The following BTBD9 variants were observed in gnomAD, a reference collection of about 807,000 sequenced individuals.
BTBD9 encodes BTB/POZ domain-containing protein 9.
BTBD9 carries 49 observed loss-of-function variants against 64.3 expected under a neutral mutation model. That is an observed-to-expected ratio of 0.76 (90% CI 0.61 to 0.97). BTBD9 has a LOEUF of 0.97. Ranked by LOEUF, BTBD9 falls within the 50% of genes least tolerant of loss-of-function variation. The pLI, the probability that BTBD9 is intolerant of heterozygous loss-of-function variation, is 0.00. For missense variants in BTBD9, 598 were observed against 762.1 expected (o/e 0.78, Z 2.53); for synonymous variants, 260 against 274.7 (o/e 0.95, Z 0.53).
chr6:38,313,658 T>C (rs866168646), intron 7 of BTBD9, among the ~76,000 whole-genome samples: 1 of 152,228 alleles, frequency 6.6e-6, no homozygotes, highest in Admixed American at 6.5e-5. Flanking sequence ...TCCTTTATTA[T>C]TGATATGATA....
chr6:38,383,931 T>C (rs1411208857), intron 6 of BTBD9, among the ~76,000 whole-genome samples: 1 of 152,054 alleles, frequency 6.6e-6, no homozygotes, highest in Non-Finnish European at 1.5e-5. Context: ...GATGACTGAG[T>C]GGGCTGTGGC....
At chr6:38,523,786 T>C (rs567220640) in intron 6 of BTBD9, among the ~76,000 whole-genome samples, 1 of 152,340 alleles carries the variant, frequency 6.6e-6, no homozygotes, top group South Asian at 2.1e-4. Context: ...CTAAGTCAGG[T>C]ACTGTTATTA....
chr6:38,485,874 C>G (rs1214256264), intron 6 of BTBD9, among the ~76,000 whole-genome samples: 5 of 152,170 alleles, frequency 3.3e-5, no homozygotes, highest in Non-Finnish European at 7.4e-5. Context: ...CTATTAAAGT[C>G]CTGGGTGGCA....
intron 6 of BTBD9, among the ~76,000 whole-genome samples, chr6:38,466,913 C>A (rs1450746533): frequency 1.3e-5 from 2 of 152,156 alleles, no homozygotes; most frequent in East Asian, 1.9e-4. Flanking sequence ...ATATCTGGAA[C>A]ATCACTCATG....
chr6:38,297,085 C>T lies in BTBD9; in HGVS notation c.1265-8624G>A, dbSNP rs151295574. ...GGGAGATGTTTGTTAAAATCTCCTG[C>T]GGTCAGGCGCGGTGGCTCACGCCTG... On this transcript the variant is annotated intron_variant, in intron 7 of 10. Coordinates refer to ENST00000481247, the MANE Select transcript of BTBD9 (RefSeq NM_001099272.2). 1.8e-3 allele frequency among the ~76,000 whole-genome samples: 271 copies of T among 152,196 alleles called. 1 individual carries two copies. Among genetic ancestry groups the T allele is most frequent in the African/African-American group, 6.2e-3 (257 of 41,524 alleles).
intron 6 of BTBD9, among the ~76,000 whole-genome samples, chr6:38,490,933 T>C (rs1329933682): frequency 6.6e-6 from 1 of 152,200 alleles, no homozygotes; most frequent in East Asian, 1.9e-4. Context: ...GTAATCTGAC[T>C]GTGACTTCCT....
At chr6:38,500,560 A>G (rs536384412) in intron 6 of BTBD9, among the ~76,000 whole-genome samples, 2 of 152,198 alleles carry the variant, frequency 1.3e-5, no homozygotes, top group East Asian at 3.9e-4. Context: ...CTTTTCTCTA[A>G]CTCAGTATTA....
intron 7 of BTBD9, among the ~76,000 whole-genome samples, chr6:38,318,842 C>T (rs1369431428): frequency 6.6e-6 from 1 of 152,202 alleles, no homozygotes; most frequent in Non-Finnish European, 1.5e-5. Context: ...GTCTTGTGTC[C>T]TTACCTTCAG....
At chr6:38,440,208 A>G (rs540782592) in intron 6 of BTBD9, among the ~76,000 whole-genome samples, 2 of 152,316 alleles carry the variant, frequency 1.3e-5, no homozygotes, top group South Asian at 2.1e-4. Flanking sequence ...ATGCTTATGT[A>G]TAGAAAAGAA....
chr6:38,588,481 T>C, intron 4 of BTBD9: 2 of 861,714 alleles, frequency 2.3e-6, no homozygotes, highest in Non-Finnish European at 1.8e-6. Context: ...TCCTTATATG[T>C]CCTCCCTTTG....
At chr6:38,490,095 T>C (rs1488667052) in intron 6 of BTBD9, among the ~76,000 whole-genome samples, 1 of 152,140 alleles carries the variant, frequency 6.6e-6, no homozygotes, top group Admixed American at 6.5e-5. Flanking sequence ...GTCCCCCAAA[T>C]CTGCACAGCC....
rs1314065165 is a variant in BTBD9, at chr6:38,170,977, C to T, written c.*4008G>A. On this transcript the variant is annotated 3_prime_UTR_variant, in exon 11 of 11. Transcript: ENST00000481247. ...ACAAGCAAGCACTAATGAGGAAAAA[C>T]TCCTGGAAGGAAGCAAATTTAATTT... 6.6e-6 allele frequency: 1 copy of T among 152,258 alleles called. No individual in the cohort carries two copies. The highest frequency in any genetic ancestry group is 2.4e-5 in the African/African-American group (1 of 41,466). The allele number at this position is 152,258 out of a possible 1,614,324, so 9.4% of individuals were successfully genotyped here.
chr6:38,401,637 CT>C (rs1218589431), intron 6 of BTBD9, among the ~76,000 whole-genome samples: 4 of 152,154 alleles, frequency 2.6e-5, no homozygotes, highest in African/African-American at 9.7e-5. Context: ...GTTGCTTAAT[CT>C]ATTGTCTAGG....
chr6:38,491,726 AC>A (rs994756798), intron 6 of BTBD9, among the ~76,000 whole-genome samples: 1 of 152,184 alleles, frequency 6.6e-6, no homozygotes, highest in Non-Finnish European at 1.5e-5. Flanking sequence ...ATGAGAAGAA[AC>A]CACAAAGCAA....
At chr6:38,235,878 A>G (rs1763760718) in intron 9 of BTBD9, among the ~76,000 whole-genome samples, 1 of 152,206 alleles carries the variant, frequency 6.6e-6, no homozygotes, top group South Asian at 2.1e-4. Flanking sequence ...AATGTATAAA[A>G]TAGAACACAC....
chr6:38,310,793 CTTTGTTTTGTTTTGT>C (rs112925381), intron 7 of BTBD9, among the ~76,000 whole-genome samples: 3 of 150,920 alleles, frequency 2.0e-5, no homozygotes, highest in Non-Finnish European at 1.5e-5. Flanking sequence ...ACCCTTCTAG[CTTTGTTTTGTTTTGT>C]TTTGTTTTGT....
At chr6:38,598,327 C>A (rs1356781656) in intron 1 of BTBD9, among the ~76,000 whole-genome samples, 1 of 152,128 alleles carries the variant, frequency 6.6e-6, no homozygotes, top group African/African-American at 2.4e-5. Flanking sequence ...ATCACACTAG[C>A]AAAGCAAAAA....
chr6:38,303,844 T>G (rs1447710265), intron 7 of BTBD9, among the ~76,000 whole-genome samples: 7 of 63,554 alleles, frequency 1.1e-4, no homozygotes, highest in African/African-American at 4.1e-4. Context: ...TTGCTAGATA[T>G]ATATATATAT....
chr6:38,385,689 A>G (rs1204042015), intron 6 of BTBD9, among the ~76,000 whole-genome samples: 1 of 152,130 alleles, frequency 6.6e-6, no homozygotes, highest in Non-Finnish European at 1.5e-5. Context: ...GAAATAGTAG[A>G]TTGGCTAGAT....
Sources: allele counts gnomAD v4.1 joint callset (sites outside exome capture counted in the v4.1 genomes callset), GRCh38; gene constraint gnomAD v4.1.1; transcripts MANE v1.5; gene names NCBI Gene and HGNC (gene_info 2026-07-23, HGNC 2026-07-21).